MAPRE2: variants seen among roughly 807,000 people sequenced by gnomAD.
MAPRE2 encodes microtubule associated protein RP/EB family member 2, also known as microtubule-associated protein RP/EB family member 2.
Under a neutral mutation model 43.2 loss-of-function variants are expected in MAPRE2, and 13 were observed. The ratio of observed to expected loss-of-function variants is 0.30; its 90% CI spans 0.20 to 0.48. The LOEUF (loss-of-function observed/expected upper bound fraction) is 0.48. Ranked by LOEUF, MAPRE2 falls within the 20% of genes least tolerant of loss-of-function variation. The pLI is 0.99. For missense variants in MAPRE2, 161 were observed against 400.2 expected, an observed-to-expected ratio of 0.40 and a Z score of 5.10; for synonymous variants, 135 against 148.8, an observed-to-expected ratio of 0.91 and a Z score of 0.68.
intron 1 of MAPRE2, among the ~76,000 whole-genome samples, chr18:35,061,970 T>C (rs559104842): frequency 2.0e-5 from 3 of 152,360 alleles, no homozygotes; most frequent in Non-Finnish European, 4.4e-5. Context: ...GAATGAATTA[T>C]GCGCAGATGA....
intron 6 of MAPRE2, among the ~76,000 whole-genome samples, chr18:35,137,209 A>G (rs1417896776): frequency 6.6e-6 from 1 of 152,162 alleles, no homozygotes; most frequent in Non-Finnish European, 1.5e-5. Flanking sequence ...TTTCCCAGTG[A>G]GAGTTGTCTG....
At chr18:35,139,193 A>G (rs1257268724) in intron 6 of MAPRE2, among the ~76,000 whole-genome samples, 1 of 152,188 alleles carries the variant, frequency 6.6e-6, no homozygotes, top group Admixed American at 6.5e-5. Context: ...TCCAAGGAAG[A>G]GGGGCCCGAC....
At chr18:35,083,623 T>G (rs1239130764) in intron 2 of MAPRE2, among the ~76,000 whole-genome samples, 1 of 152,190 alleles carries the variant, frequency 6.6e-6, no homozygotes, top group African/African-American at 2.4e-5. Context: ...TTGGCTCCTC[T>G]GGAGAAGCCA....
chr18:34,996,322 G>C (rs998784448), intron 1 of MAPRE2, among the ~76,000 whole-genome samples: 1 of 152,128 alleles, frequency 6.6e-6, no homozygotes, highest in Non-Finnish European at 1.5e-5. Flanking sequence ...TTCCACCTCA[G>C]ATCATCAAGC....
At chr18:35,068,836 A>G (rs539089135) in intron 1 of MAPRE2, among the ~76,000 whole-genome samples, 16 of 152,344 alleles carry the variant, frequency 1.1e-4, no homozygotes, top group Non-Finnish European at 2.4e-4. Context: ...TGGAAGTTCA[A>G]ACACGGCGTG....
intron 1 of MAPRE2, among the ~76,000 whole-genome samples, chr18:34,996,031 T>C (rs1431993706): frequency 4.6e-5 from 7 of 152,200 alleles, no homozygotes; most frequent in Non-Finnish European, 1.0e-4. Context: ...CTGTCACAGA[T>C]GAACCTGATA....
At chr18:34,990,604 T>C (rs2097023264) in intron 1 of MAPRE2, among the ~76,000 whole-genome samples, 1 of 152,200 alleles carries the variant, frequency 6.6e-6, no homozygotes, top group Non-Finnish European at 1.5e-5. Context: ...CTATGATAAA[T>C]TTCATCTAGC....
At chr18:35,044,903 T>G (rs1462605397) in intron 1 of MAPRE2, among the ~76,000 whole-genome samples, 1 of 152,216 alleles carries the variant, frequency 6.6e-6, no homozygotes, top group Non-Finnish European at 1.5e-5. Context: ...CCCAGGTATC[T>G]GATAGTGTAA....
chr18:35,113,625 G>A (rs1262781835), intron 4 of MAPRE2, among the ~76,000 whole-genome samples: 2 of 152,202 alleles, frequency 1.3e-5, no homozygotes, highest in Non-Finnish European at 2.9e-5. Flanking sequence ...GGAAGGCCAG[G>A]CACATGCCTG....
intron 2 of MAPRE2, among the ~76,000 whole-genome samples, chr18:35,073,225 C>A (rs1907194599): frequency 6.6e-6 from 1 of 152,166 alleles, no homozygotes; most frequent in Non-Finnish European, 1.5e-5. Flanking sequence ...TTGGAAGTTT[C>A]CTTGTTCATA....
At chr18:35,060,081 C>T (rs1603395946) in intron 1 of MAPRE2, among the ~76,000 whole-genome samples, 1 of 152,210 alleles carries the variant, frequency 6.6e-6, no homozygotes, top group Non-Finnish European at 1.5e-5. Context: ...AACAACTGAG[C>T]ATGACCACCC....
chr18:34,989,707 CCT>C lies in MAPRE2; in HGVS notation c.-70+12637_-70+12638del, dbSNP rs141775893. On this transcript the variant is annotated intron_variant, in intron 1 of 7. Transcript: ENST00000413393. ...GCTTGGGAAGCAGAGTGAGACATTC[CCT>C]CTCTCTCTGTCTTTTTTTTTTTAAG... Among the ~76,000 whole-genome samples, 686 of 151,670 alleles carry C rather than the reference CCT, an allele frequency of 4.5e-3. 4 individuals carry two copies. The highest frequency in any genetic ancestry group is 0.015 in the African/African-American group (634 of 41,346).
chr18:35,138,305 A>G (rs1910479403), intron 6 of MAPRE2, among the ~76,000 whole-genome samples: 1 of 152,202 alleles, frequency 6.6e-6, no homozygotes, highest in South Asian at 2.1e-4. Flanking sequence ...AGGAAGACAC[A>G]TGATGTGATC....
intron 4 of MAPRE2, among the ~76,000 whole-genome samples, chr18:35,104,025 G>C (rs1603401335): frequency 6.6e-6 from 1 of 152,092 alleles, no homozygotes; most frequent in East Asian, 1.9e-4. Context: ...ACATTTAAGG[G>C]GGAGGAGGAA....
chr18:35,097,245 G>T (rs1385350432), intron 2 of MAPRE2, among the ~76,000 whole-genome samples: 2 of 152,184 alleles, frequency 1.3e-5, no homozygotes, highest in African/African-American at 4.8e-5. Flanking sequence ...AGTGGCAGGT[G>T]CTGTATTGTT....
intron 2 of MAPRE2, among the ~76,000 whole-genome samples, chr18:35,095,396 A>G (rs55973268): frequency 0.12 from 17,689 of 148,316 alleles, 1,270 homozygotes; most frequent in African/African-American, 0.21. Context: ...ACACACACAC[A>G]CACACGCACA....
At chr18:35,017,808 C>G (rs138321904) in intron 2 of MAPRE2, among the ~76,000 whole-genome samples, 190 of 151,228 alleles carry the variant, frequency 1.3e-3, no homozygotes, top group African/African-American at 4.2e-3. Flanking sequence ...ATTTGGATGC[C>G]TTTTATTTCT....
intron 1 of MAPRE2, among the ~76,000 whole-genome samples, chr18:34,987,520 T>C (rs1020922024): frequency 2.0e-5 from 3 of 152,220 alleles, no homozygotes; most frequent in Non-Finnish European, 2.9e-5. Flanking sequence ...TAATCCTTAA[T>C]AAGCTGTCTC....
chr18:35,108,918 T>G (rs1909040405), intron 4 of MAPRE2, among the ~76,000 whole-genome samples: 1 of 152,216 alleles, frequency 6.6e-6, no homozygotes, highest in Admixed American at 6.5e-5. Flanking sequence ...TCCCATTCTG[T>G]AGGTTGCCTG....
Sources: allele counts gnomAD v4.1 joint callset (sites outside exome capture counted in the v4.1 genomes callset), GRCh38; gene constraint gnomAD v4.1.1; transcripts MANE v1.5; gene names NCBI Gene and HGNC (gene_info 2026-07-23, HGNC 2026-07-21).